Variants in SMYD2 observed in about 807,000 individuals in gnomAD.
SMYD2 encodes the protein N-lysine methyltransferase SMYD2.
In SMYD2, 53 loss-of-function variants were observed where a neutral mutation model predicts 59.1. That is an observed-to-expected ratio of 0.90 (90% CI 0.72 to 1.13). SMYD2 has a LOEUF of 1.13. Ranked by LOEUF, SMYD2 falls within the 50% of genes most tolerant of loss-of-function variation. SMYD2 has a pLI of 0.00. For synonymous variants in SMYD2, 208 were observed against 198.8 expected (o/e 1.05, Z -0.39); for missense variants, 494 against 544.7 (o/e 0.91, Z 0.93).
At chr1:214,316,935 C>A (rs1458702524) in intron 3 of SMYD2, among the ~76,000 whole-genome samples, 1 of 152,188 alleles carries the variant, frequency 6.6e-6, no homozygotes, top group Non-Finnish European at 1.5e-5. Context: ...GTCAGTAAGT[C>A]ATCAGATGGG....
chr1:214,319,999 G>A (rs73092321), intron 5 of SMYD2, among the ~76,000 whole-genome samples: 4,673 of 152,186 alleles, frequency 0.031, 254 homozygotes, highest in African/African-American at 0.11. Context: ...AGAGATTTAC[G>A]TACAAATTGT....
At chr1:214,283,647 A>G (rs1329123722) in intron 1 of SMYD2, among the ~76,000 whole-genome samples, 1 of 152,198 alleles carries the variant, frequency 6.6e-6, no homozygotes, top group East Asian at 1.9e-4. Context: ...CTTAGGACAA[A>G]TCAGTCTGTC....
Position 214,332,075 on chromosome 1 carries a change from T to TG in SMYD2, c.995_996insG (p.Phe332LeufsTer2), listed in dbSNP as rs1261204451. 1 of 1,614,056 alleles carries TG rather than the reference T, an allele frequency of 6.2e-7. No individual in the cohort carries two copies. The highest frequency in any genetic ancestry group is 1.7e-5 in the Admixed American group (1 of 60,016). On this transcript the variant is annotated frameshift_variant, in exon 10 of 12. Coordinates refer to ENST00000366957, the MANE Select transcript of SMYD2 (RefSeq NM_020197.3). LOFTEE classifies it high-confidence loss of function. The stretch of plus-strand genomic sequence containing the variant: ...AGCCAGGAGAAGATGAGCTCTGTGT[T>TG]TGAGGACAGTAACGTGTACATGTTG...
chr1:214,316,183 A>C (rs1289622656), intron 3 of SMYD2, among the ~76,000 whole-genome samples: 1 of 152,094 alleles, frequency 6.6e-6, no homozygotes, highest in Non-Finnish European at 1.5e-5. Flanking sequence ...TTAAAGCTGA[A>C]ATTTTGGCTG....
At chr1:214,315,812 T>C (rs1159705423) in intron 3 of SMYD2, among the ~76,000 whole-genome samples, 1 of 152,198 alleles carries the variant, frequency 6.6e-6, no homozygotes, top group Admixed American at 6.5e-5. Context: ...CAAGATTGTA[T>C]TGACCTAAGG....
chr1:214,331,132 T>G, intron 9 of SMYD2, 62 bp downstream of exon 9: 1 of 1,601,598 alleles, frequency 6.2e-7, no homozygotes, highest in Admixed American at 1.7e-5. Flanking sequence ...GGTGGGAAGT[T>G]GGAAAGAGGG....
chr1:214,329,212 AT>A (rs1255569715), intron 7 of SMYD2, among the ~76,000 whole-genome samples: 1 of 152,146 alleles, frequency 6.6e-6, no homozygotes, highest in East Asian at 1.9e-4. Context: ...GAGAAACCCC[AT>A]TCCCCAGGGT....
At chr1:214,299,286 T>G (rs567624253) in intron 1 of SMYD2, among the ~76,000 whole-genome samples, 1 of 152,256 alleles carries the variant, frequency 6.6e-6, no homozygotes, top group South Asian at 2.1e-4. Flanking sequence ...CTCAAAGGAC[T>G]TAAAACAGAA....
intron 1 of SMYD2, among the ~76,000 whole-genome samples, chr1:214,284,120 T>G (rs530613386): frequency 1.3e-5 from 2 of 152,166 alleles, no homozygotes; most frequent in Non-Finnish European, 2.9e-5. Flanking sequence ...AGAAGGCAGC[T>G]CCTAATAATA....
chr1:214,319,124 T>G (rs1034987909), intron 5 of SMYD2, 141 bp downstream of exon 5: 7 of 1,124,888 alleles, frequency 6.2e-6, no homozygotes, highest in Non-Finnish European at 7.6e-6. Flanking sequence ...AATTGGACCG[T>G]GTGTTGCCAT....
At chr1:214,334,485 T>C (rs927797152) in intron 11 of SMYD2, among the ~76,000 whole-genome samples, 177 bp downstream of exon 11, 1 of 151,510 alleles carries the variant, frequency 6.6e-6, no homozygotes, top group Non-Finnish European at 1.5e-5. Flanking sequence ...AGTGAGAGAG[T>C]GCACCTCTGC....
At chr1:214,333,490 A>T (rs999346694) in intron 10 of SMYD2, 1 of 152,160 alleles carries the variant, frequency 6.6e-6, no homozygotes, top group Admixed American at 6.5e-5. Context: ...CTTTAAATAA[A>T]CACCTCTTAC....
chr1:214,318,745 T>C lies in SMYD2; in HGVS notation c.410-114T>C. ...CTCTGGGGGTTCAACATGTTAGTTT[T>C]GGGTTTTTTTTTTTTCGCCCGTTCC... On this transcript the variant is annotated intron_variant, in intron 4 of 11. Transcript: ENST00000366957. This position sits in a 1 kb window ranked among gnomAD's most constrained non-coding sequence, Gnocchi z 5.4. The C allele has an allele frequency of 7.9e-7, 1 of 1,263,160 alleles. No homozygotes were observed. The highest frequency in any genetic ancestry group is 1.1e-6 in the Non-Finnish European group (1 of 930,244). 78.2% of individuals were successfully genotyped at this position (1,263,160 alleles called of 1,614,324 possible).
chr1:214,329,787 G>A (rs1033222390), intron 7 of SMYD2, among the ~76,000 whole-genome samples: 4 of 152,208 alleles, frequency 2.6e-5, no homozygotes, highest in African/African-American at 7.2e-5. Context: ...TGACGGCAAC[G>A]AAGCATTTGC....
At chr1:214,289,069 A>C (rs762490743) in intron 1 of SMYD2, among the ~76,000 whole-genome samples, 1 of 151,826 alleles carries the variant, frequency 6.6e-6, no homozygotes, top group Non-Finnish European at 1.5e-5. Flanking sequence ...GTATTCCTGT[A>C]GAACAGGCAA....
At position 214,297,304 on chromosome 1, in the gene SMYD2, G is replaced by A. The variant is rs75602399; in HGVS notation, c.174-7883G>A. 2.1e-5 allele frequency among the ~76,000 whole-genome samples: 3 copies of A among 140,260 alleles called. No individual in the cohort carries two copies. In the East Asian group the frequency reaches 6.4e-4, roughly 30 times the overall value. 92.0% of individuals were successfully genotyped at this position (140,260 alleles called of 152,430 possible). ...TTCTTTTCGCTCCATTCCTTTGGGG[G>A]TTATTTCAGGTTTTTTTTTTTTTAA... is the stretch of plus-strand genomic sequence containing the variant. On this transcript the variant is annotated intron_variant, in intron 1 of 11. Transcript: ENST00000366957.
rs143365542 is a variant in SMYD2 at position 214,281,386 on chromosome 1, G to A, written c.132G>A (p.Thr44=). Residue 44 remains threonine (T), a synonymous_variant, in exon 1 of 12, where the codon ACG becomes ACA. Transcript: ENST00000366957. ...FSCPAYAYVL[T]VNERGNHCEY... is the part of the protein sequence containing the mutation. ...GCCCGGCCTATGCCTACGTGCTCAC[G>A]GTCAACGAGCGGGGCAACCACTGCG... is the stretch of plus-strand genomic sequence containing the variant. 2.5e-5 allele frequency: 36 copies of A among 1,466,686 alleles called. No individual in the cohort carries two copies. In the African/African-American group the frequency reaches 5.0e-4, roughly 20 times the overall value. The allele number at this position is 1,466,686 out of a possible 1,614,324, so 90.9% of individuals were successfully genotyped here.
intron 2 of SMYD2, among the ~76,000 whole-genome samples, chr1:214,308,287 A>G (rs6665343): frequency 0.52 from 79,404 of 152,124 alleles, 21,596 homozygotes; most frequent in African/African-American, 0.68. Flanking sequence ...GCTGAAGGAA[A>G]AGGCTAATGA....
intron 1 of SMYD2, among the ~76,000 whole-genome samples, chr1:214,288,281 A>G (rs762617134): frequency 6.6e-6 from 1 of 152,246 alleles, no homozygotes; most frequent in Non-Finnish European, 1.5e-5. Context: ...GATGGCTGGT[A>G]TACACAGGGC....
Sources: gnomAD v4.1 joint callset for allele counts (sites outside exome capture counted in the v4.1 genomes callset) on GRCh38, gnomAD v4.1.1 for gene constraint, Gnocchi (gnomAD v3.1) non-coding constraint, MANE v1.5 for transcripts, NCBI Gene and HGNC (gene_info 2026-07-23, HGNC 2026-07-21) for gene names.